The following NAALADL2 variants were observed in gnomAD, a reference collection of about 807,000 sequenced individuals.
The protein encoded by NAALADL2 is N-acetylated alpha-linked acidic dipeptidase like 2, also known as inactive N-acetylated-alpha-linked acidic dipeptidase-like protein 2.
A neutral mutation model predicts 87.2 loss-of-function variants in NAALADL2; 76 were observed. The observed-to-expected ratio is 0.87, with a 90% CI of 0.72 to 1.05. The LOEUF (loss-of-function observed/expected upper bound fraction) is 1.05, where lower values mean the gene tolerates loss of function less well. NAALADL2 is among the 50% of genes least tolerant of loss of function. NAALADL2 has a pLI of 0.00. For synonymous variants in NAALADL2, 354 were observed against 331.0 expected (o/e 1.07, Z -0.75); for missense variants, 1,089 against 945.8 (o/e 1.15, Z -1.99).
At chr3:175,183,266 A>G (rs1204139878) in intron 2 of NAALADL2, among the ~76,000 whole-genome samples, 1 of 149,376 alleles carries the variant, frequency 6.7e-6, no homozygotes, top group African/African-American at 2.5e-5. Flanking sequence ...TTTTGTAATT[A>G]TTGTAAATGG....
At chr3:174,919,247 TCCTTTTAC>T (rs1301554391) in intron 1 of NAALADL2, among the ~76,000 whole-genome samples, 1 of 152,080 alleles carries the variant, frequency 6.6e-6, no homozygotes, top group Admixed American at 6.6e-5. Context: ...TTCATTGACT[TCCTTTTAC>T]AAAATATTTC....
chr3:175,636,103 A>C (rs1250720917), intron 11 of NAALADL2, among the ~76,000 whole-genome samples: 1 of 152,116 alleles, frequency 6.6e-6, no homozygotes, highest in Non-Finnish European at 1.5e-5. Context: ...ACACACGCAC[A>C]TACACACATA....
chr3:175,364,040 T>C (rs1765303560), intron 5 of NAALADL2, among the ~76,000 whole-genome samples: 1 of 147,930 alleles, frequency 6.8e-6, no homozygotes, highest in Non-Finnish European at 1.5e-5. Context: ...TGATTTCTGG[T>C]AGCTGTATTT....
chr3:174,446,997 T>C (rs1715107217), intron 1 of NAALADL2, among the ~76,000 whole-genome samples: 1 of 147,874 alleles, frequency 6.8e-6, no homozygotes, highest in East Asian at 1.9e-4. Flanking sequence ...ACTTTAAAAA[T>C]AATAACAAGG....
At chr3:175,051,354 C>T (rs1755362994) in intron 1 of NAALADL2, among the ~76,000 whole-genome samples, 1 of 152,108 alleles carries the variant, frequency 6.6e-6, no homozygotes. Flanking sequence ...TGAGGGGTCT[C>T]CTGTCCTGAA....
chr3:174,903,771 C>T (rs938276001), intron 1 of NAALADL2, among the ~76,000 whole-genome samples: 15 of 151,656 alleles, frequency 9.9e-5, no homozygotes, highest in South Asian at 2.1e-4. Flanking sequence ...TATATTTGCA[C>T]GGGAAGTTTT....
intron 3 of NAALADL2, among the ~76,000 whole-genome samples, chr3:174,829,095 TTTTTG>T (rs1553867035): frequency 1.4e-5 from 2 of 143,962 alleles, no homozygotes; most frequent in Non-Finnish European, 3.1e-5. Context: ...CATCTGTTTT[TTTTTG>T]TTGTTGTTGT....
intron 5 of NAALADL2, among the ~76,000 whole-genome samples, chr3:175,424,687 C>G (rs1426674210): frequency 1.3e-5 from 2 of 152,060 alleles, no homozygotes; most frequent in African/African-American, 4.8e-5. Context: ...GTTACTGTAG[C>G]CTTGTAGGAT....
In NAALADL2 at chr3:174,471,444, T is replaced by A. The variant is rs868825877; in HGVS notation, c.-184+30412T>A. 2.2e-4 allele frequency among the ~76,000 whole-genome samples: 34 copies of A among 152,250 alleles called. No homozygotes were observed. The South Asian group carries it at 3.1e-3, about 14-fold the overall frequency. On this transcript the variant is annotated intron_variant, in intron 1 of 3. Transcript: ENST00000434257. ...GGTACTAGAAACAGTTACTCCACAT[T>A]GATAAAGATCTTCTAATAAATTAGA...
intron 13 of NAALADL2, among the ~76,000 whole-genome samples, chr3:175,781,863 A>G (rs1454500390): frequency 2.8e-5 from 2 of 71,174 alleles, no homozygotes; most frequent in East Asian, 1.1e-3. Flanking sequence ...CCTCCCCCCC[A>G]CCCCACCACA....
At chr3:175,595,099 A>ATGTTT (rs1489543289) in intron 10 of NAALADL2, among the ~76,000 whole-genome samples, 2 of 151,980 alleles carry the variant, frequency 1.3e-5, no homozygotes, top group Admixed American at 1.3e-4. Context: ...GGTATTTCCT[A>ATGTTT]TGTTTTTGCC....
chr3:175,749,923 G>C (rs1746422480), intron 12 of NAALADL2, among the ~76,000 whole-genome samples: 1 of 152,138 alleles, frequency 6.6e-6, no homozygotes, highest in Non-Finnish European at 1.5e-5. Context: ...AGGTGTTTTA[G>C]GATCCTGTAT....
At position 175,324,772 on chromosome 3, in the gene NAALADL2, G is replaced by A. The variant is rs531255961; in HGVS notation, c.1090+447G>A. The stretch of plus-strand genomic sequence containing the variant: ...GGTGAGTAAAGTAGTAAGAAAAGAT[G>A]CTGTAGAAGAATGGATTTAATATGA... On this transcript the variant is annotated intron_variant, in intron 5 of 13. Transcript: ENST00000454872. Among the ~76,000 whole-genome samples the A allele has an allele frequency of 4.6e-5, 7 of 152,342 alleles. No homozygotes were observed. In the South Asian group the frequency reaches 1.2e-3, roughly 27 times the overall value.
intron 13 of NAALADL2, among the ~76,000 whole-genome samples, chr3:175,781,341 C>T (rs1459814655): frequency 6.6e-6 from 1 of 152,004 alleles, no homozygotes; most frequent in Non-Finnish European, 1.5e-5. Context: ...ATAGTGGTCT[C>T]ATAAGATTAT....
At chr3:175,568,528 AG>A (rs542784251) in intron 9 of NAALADL2, among the ~76,000 whole-genome samples, 28 of 152,334 alleles carry the variant, frequency 1.8e-4, no homozygotes, top group African/African-American at 6.7e-4. Flanking sequence ...GTACATAAAA[AG>A]GAGCATTGCA....
At chr3:174,545,940 G>T (rs901578158) in intron 1 of NAALADL2, among the ~76,000 whole-genome samples, 1 of 149,896 alleles carries the variant, frequency 6.7e-6, no homozygotes, top group African/African-American at 2.4e-5. Flanking sequence ...TTTATATTTT[G>T]TTGAAATCTT....
At chr3:175,549,287 A>G (rs528024682) in intron 9 of NAALADL2, among the ~76,000 whole-genome samples, 4 of 152,144 alleles carry the variant, frequency 2.6e-5, no homozygotes, top group East Asian at 1.9e-4. Flanking sequence ...TTGGATGTGT[A>G]TATCTGTTTA....
intron 4 of NAALADL2, among the ~76,000 whole-genome samples, chr3:175,270,300 A>G (rs992246447): frequency 6.6e-6 from 1 of 152,170 alleles, no homozygotes; most frequent in Admixed American, 6.5e-5. Context: ...CCAAAGCCCA[A>G]CTTGACTTAA....
At chr3:174,550,684 C>T (rs560611612) in intron 2 of NAALADL2, 100 of 152,064 alleles carry the variant, frequency 6.6e-4, no homozygotes, top group Non-Finnish European at 1.1e-3. Flanking sequence ...GGCAGAGATT[C>T]AACCAAGTCT....
Sources: gnomAD v4.1 joint callset for allele counts (sites outside exome capture counted in the v4.1 genomes callset) on GRCh38, gnomAD v4.1.1 for gene constraint, MANE v1.5 for transcripts, NCBI Gene and HGNC (gene_info 2026-07-23, HGNC 2026-07-21) for gene names.